Variants in COL21A1 observed in about 807,000 individuals in gnomAD.
COL21A1 encodes collagen alpha-1(XXI) chain.
In COL21A1, 149 loss-of-function variants were observed where a neutral mutation model predicts 137.9. The observed-to-expected ratio is 1.08, with a 90% CI of 0.95 to 1.24. COL21A1 has a LOEUF of 1.24. Among genes scored for constraint, COL21A1 ranks in the 50% most tolerant of loss-of-function variants. The probability of loss-of-function intolerance (pLI) is 0.00; values close to 1 mark genes in which losing one functional copy is unlikely to be tolerated. For synonymous variants in COL21A1, 456 were observed against 391.5 expected (o/e 1.16, Z -1.95); for missense variants, 1,167 against 1,158.4 (o/e 1.01, Z -0.11).
rs192393420 is a variant in COL21A1, at chr6:56,097,702, G to A, written c.1812+3770C>T. ...GCTTGGCGATAAAACTGAGAAACAA[G>A]CAGCCATGGGAAAGGAAAGCATCTT... On this transcript the variant is annotated intron_variant, in intron 17 of 29. Coordinates refer to ENST00000244728, the MANE Select transcript of COL21A1 (RefSeq NM_030820.4). Among the ~76,000 whole-genome samples, 1,034 of 141,568 alleles carry A rather than the reference G, an allele frequency of 7.3e-3. 21 individuals are homozygous for A. The highest frequency in any genetic ancestry group is 0.026 in the African/African-American group (973 of 38,032). 92.9% of individuals were successfully genotyped at this position (141,568 alleles called of 152,430 possible).
chr6:56,344,739 G>A (rs143527188), intron 1 of COL21A1, among the ~76,000 whole-genome samples: 4,330 of 152,130 alleles, frequency 0.028, 196 homozygotes, highest in African/African-American at 0.099. Flanking sequence ...TGCTGTTCTC[G>A]TGATAGTGGG....
chr6:56,354,786 G>A (rs1249894036), intron 1 of COL21A1, among the ~76,000 whole-genome samples: 6 of 152,146 alleles, frequency 3.9e-5, no homozygotes, highest in Non-Finnish European at 8.8e-5. Flanking sequence ...TTGATCCTGG[G>A]AGGTCAAGTC....
intron 1 of COL21A1, among the ~76,000 whole-genome samples, chr6:56,352,499 C>T (rs891335427): frequency 6.6e-6 from 1 of 150,926 alleles, no homozygotes; most frequent in Non-Finnish European, 1.5e-5. Context: ...AGCAAAACAC[C>T]AGAGCTCCCA....
chr6:56,324,805 G>A (rs779780346), intron 1 of COL21A1, among the ~76,000 whole-genome samples: 36 of 151,936 alleles, frequency 2.4e-4, no homozygotes, highest in Non-Finnish European at 1.3e-4. Flanking sequence ...AAAATAGCAC[G>A]TGCAGGAAGG....
chr6:56,100,991 G>A (rs1042238277), intron 17 of COL21A1, among the ~76,000 whole-genome samples: 2 of 152,174 alleles, frequency 1.3e-5, no homozygotes, highest in Non-Finnish European at 2.9e-5. Context: ...GGAATAAAAT[G>A]TGGGGGCAAA....
chr6:56,227,006 G>C (rs553407053), intron 1 of COL21A1, among the ~76,000 whole-genome samples: 2 of 151,954 alleles, frequency 1.3e-5, no homozygotes. Flanking sequence ...AACTTAAAAT[G>C]GTGCCATGAC....
At chr6:56,121,286 A>C (rs1772479306) in intron 16 of COL21A1, among the ~76,000 whole-genome samples, 1 of 152,020 alleles carries the variant, frequency 6.6e-6, no homozygotes. Flanking sequence ...AGCCAATCTG[A>C]AAAGGCTACA....
chr6:56,263,887 A>G (rs1763338320), intron 1 of COL21A1, among the ~76,000 whole-genome samples: 1 of 152,166 alleles, frequency 6.6e-6, no homozygotes, highest in Non-Finnish European at 1.5e-5. Flanking sequence ...TGCACACAAC[A>G]TAAAAAGACA....
chr6:56,168,953 A>T lies in COL21A1; in HGVS notation c.1027-656T>A, dbSNP rs139974373. On this transcript the variant is annotated intron_variant, in intron 5 of 29. Coordinates refer to ENST00000244728, the MANE Select transcript of COL21A1 (RefSeq NM_030820.4). ...ATACTAGGTAGAATAATTTTTCAGG[A>T]TGTTTCACAATTAGCCCAACAACGT... Among the ~76,000 whole-genome samples, 232 of 152,046 alleles carry T rather than the reference A, an allele frequency of 1.5e-3. 2 individuals carry two copies. The highest frequency in any genetic ancestry group is 7.7e-3 in the East Asian group (40 of 5,172).
intron 1 of COL21A1, among the ~76,000 whole-genome samples, chr6:56,341,870 T>C (rs1438076266): frequency 6.6e-6 from 1 of 152,168 alleles, no homozygotes; most frequent in Non-Finnish European, 1.5e-5. Context: ...AATTTTGCTA[T>C]GAATGTTAAA....
At chr6:56,227,006 G>A (rs553407053) in intron 1 of COL21A1, among the ~76,000 whole-genome samples, 1 of 151,836 alleles carries the variant, frequency 6.6e-6, no homozygotes, top group South Asian at 2.1e-4. Context: ...AACTTAAAAT[G>A]GTGCCATGAC....
At chr6:56,323,505 T>A (rs1013282678) in intron 1 of COL21A1, among the ~76,000 whole-genome samples, 12 of 152,190 alleles carry the variant, frequency 7.9e-5, no homozygotes, top group African/African-American at 2.7e-4. Flanking sequence ...TTCTCCTGCC[T>A]CAGCCTCCCT....
At chr6:56,226,111 T>C (rs1246455388) in intron 1 of COL21A1, among the ~76,000 whole-genome samples, 1 of 152,080 alleles carries the variant, frequency 6.6e-6, no homozygotes, top group East Asian at 1.9e-4. Flanking sequence ...ATCTTGACTT[T>C]TTCTTTTCAA....
intron 1 of COL21A1, among the ~76,000 whole-genome samples, chr6:56,263,614 A>C (rs1487211342): frequency 1.3e-5 from 2 of 152,234 alleles, no homozygotes; most frequent in Non-Finnish European, 2.9e-5. Context: ...ACAGTCAGGG[A>C]AGCTAAGCGC....
chr6:56,084,246 A>G (rs562624374), intron 17 of COL21A1, among the ~76,000 whole-genome samples: 1 of 151,352 alleles, frequency 6.6e-6, no homozygotes, highest in Non-Finnish European at 1.5e-5. Context: ...CATTAATAAG[A>G]GAGATTAGAT....
At chr6:56,152,437 T>A (rs1290101039) in intron 10 of COL21A1, among the ~76,000 whole-genome samples, 1 of 152,234 alleles carries the variant, frequency 6.6e-6, no homozygotes, top group African/African-American at 2.4e-5. Flanking sequence ...TGTGGACATC[T>A]TTGAGGGACC....
intron 1 of COL21A1, among the ~76,000 whole-genome samples, chr6:56,267,873 C>T (rs1296553168): frequency 6.6e-6 from 1 of 151,988 alleles, no homozygotes; most frequent in Non-Finnish European, 1.5e-5. Flanking sequence ...AGCACCATTC[C>T]CACTGAAAGA....
chr6:56,309,263 C>T (rs1764547019), intron 1 of COL21A1, among the ~76,000 whole-genome samples: 1 of 152,110 alleles, frequency 6.6e-6, no homozygotes, highest in East Asian at 1.9e-4. Context: ...ATGGTCTTAT[C>T]TCCTGACCTC....
intron 1 of COL21A1, among the ~76,000 whole-genome samples, chr6:56,299,032 C>G (rs1172398076): frequency 6.6e-6 from 1 of 152,018 alleles, no homozygotes; most frequent in South Asian, 2.1e-4. Context: ...CAACAAAAAC[C>G]TCATCTTTTG....
Sources: gnomAD v4.1 joint callset for allele counts (sites outside exome capture counted in the v4.1 genomes callset) on GRCh38, gnomAD v4.1.1 for gene constraint, MANE v1.5 for transcripts, NCBI Gene and HGNC (gene_info 2026-07-23, HGNC 2026-07-21) for gene names.